The following EPC1 variants were observed in gnomAD, a reference collection of about 807,000 sequenced individuals.
EPC1 encodes enhancer of polycomb 1, also known as enhancer of polycomb homolog 1.
A neutral mutation model predicts 98.4 loss-of-function variants in EPC1; 12 were observed. The ratio of observed to expected loss-of-function variants is 0.12; its 90% CI spans 0.08 to 0.20. The LOEUF (loss-of-function observed/expected upper bound fraction) is 0.20. EPC1 is among the 10% of genes least tolerant of loss of function. The pLI, the probability that EPC1 is intolerant of heterozygous loss-of-function variation, is 1.00. For synonymous variants in EPC1, 357 were observed against 363.9 expected (o/e 0.98, Z 0.21); for missense variants, 729 against 990.5 (o/e 0.74, Z 3.54).
intron 11 of EPC1, chr10:32,272,863 C>A: frequency 1.6e-6 from 1 of 607,974 alleles, no homozygotes; most frequent in Non-Finnish European, 2.9e-6. Flanking sequence ...TTAACATGCC[C>A]AAGAGAATGA....
At chr10:32,298,736 T>C (rs1227579828) in intron 2 of EPC1, among the ~76,000 whole-genome samples, 2 of 152,210 alleles carry the variant, frequency 1.3e-5, no homozygotes, top group African/African-American at 4.8e-5. Context: ...AATATTAGAT[T>C]TGAAATCTCA....
chr10:32,331,871 A>T (rs1395410040), intron 1 of EPC1, among the ~76,000 whole-genome samples: 2 of 152,226 alleles, frequency 1.3e-5, no homozygotes, highest in African/African-American at 4.8e-5. Flanking sequence ...GGAGGCCTTA[A>T]CATTTTCTCT....
Position 32,331,622 on chromosome 10 carries a change from A to G in EPC1, c.153+15141T>C, listed in dbSNP as rs984722692. ...CTTAGAGATAACATATAAACTATCC[A>G]AAGTAAAAATAAGTATTTTAATATT... On this transcript the variant is annotated intron_variant, in intron 1 of 13. Coordinates refer to ENST00000319778, the MANE Select transcript of EPC1 (RefSeq NM_001272004.3). 2.0e-3 allele frequency among the ~76,000 whole-genome samples: 309 copies of G among 152,316 alleles called. 1 individual carries two copies. Among genetic ancestry groups the G allele is most frequent in the East Asian group, 2.1e-3 (11 of 5,192 alleles).
intron 11 of EPC1, 73 bp from the exon 12 acceptor site, chr10:32,272,240 T>A: frequency 7.9e-7 from 1 of 1,258,872 alleles, no homozygotes; most frequent in Non-Finnish European, 1.1e-6. Context: ...TACACATGCA[T>A]ACCAAAATCA....
intron 1 of EPC1, among the ~76,000 whole-genome samples, chr10:32,309,534 C>T (rs1410091705): frequency 3.4e-5 from 5 of 148,784 alleles, no homozygotes; most frequent in South Asian, 2.1e-4. Context: ...CAACTCTCTC[C>T]TATGCCAGTA....
chr10:32,341,348 T>G (rs1222745092), intron 1 of EPC1, among the ~76,000 whole-genome samples: 1 of 152,208 alleles, frequency 6.6e-6, no homozygotes, highest in Non-Finnish European at 1.5e-5. Flanking sequence ...TGTGTATAGA[T>G]TCTATGTTTC....
intron 3 of EPC1, 104 bp from the exon 4 acceptor site, chr10:32,293,298 A>G (rs568064385): frequency 1.1e-6 from 1 of 933,104 alleles, no homozygotes; most frequent in Non-Finnish European, 1.6e-6. Context: ...CAACATTATT[A>G]ACAAATGGGA....
chr10:32,286,815 G>A lies in EPC1; in HGVS notation c.1270C>T (p.Pro424Ser). Residue 424 changes from proline (P) to serine (S), a missense_variant, in exon 9 of 14, where the codon CCT becomes TCT. Pro to Ser is a moderately conservative substitution (Grantham distance 74). Coordinates refer to ENST00000319778, the MANE Select transcript of EPC1 (RefSeq NM_001272004.3). ...CCTCCATCTTTAGGACTAGTCCAAG[G>A]CCAGTTGCCAGTTTGGTCTAAGTGA... ...APHLDQTGNWPWTSPKDGGLG... is the reference protein window; with the variant it reads ...APHLDQTGNWSWTSPKDGGLG... The A allele has an allele frequency of 6.2e-7, 1 of 1,613,720 alleles. No individual in the cohort carries two copies. Among genetic ancestry groups the A allele is most frequent in the Non-Finnish European group, 8.5e-7 (1 of 1,179,938 alleles).
chr10:32,302,075 C>T (rs559728052), intron 2 of EPC1, among the ~76,000 whole-genome samples: 3 of 150,528 alleles, frequency 2.0e-5, no homozygotes, highest in Non-Finnish European at 3.0e-5. Context: ...AGATCGAGAC[C>T]GTCCTAGCTA....
At chr10:32,325,188 T>C (rs2132934581) in intron 1 of EPC1, among the ~76,000 whole-genome samples, 1 of 152,236 alleles carries the variant, frequency 6.6e-6, no homozygotes, top group African/African-American at 2.4e-5. Context: ...CTTCAACTTG[T>C]ACAAGAGAAT....
intron 4 of EPC1, 48 bp from the exon 5 acceptor site, chr10:32,292,692 A>T (rs188357370): frequency 2.8e-5 from 44 of 1,547,940 alleles, no homozygotes; most frequent in Admixed American, 2.2e-4. Context: ...ATTTCTAACT[A>T]GTGGTATAGT....
At chr10:32,378,655 G>T (rs1274540554) in exon 1 of EPC1, 6 of 495,286 alleles carry the variant, frequency 1.2e-5, no homozygotes, top group African/African-American at 2.0e-5. Context: ...CATGATCGGT[G>T]GCCGAATGGG....
At chr10:32,310,905 T>C (rs1165547477) in intron 1 of EPC1, among the ~76,000 whole-genome samples, 2 of 109,858 alleles carry the variant, frequency 1.8e-5, no homozygotes, top group Middle Eastern at 4.3e-3. Flanking sequence ...AATTACCTCT[T>C]ATCTTTAACA....
intron 1 of EPC1, among the ~76,000 whole-genome samples, chr10:32,341,275 G>A (rs1001296520): frequency 2.6e-5 from 4 of 151,992 alleles, no homozygotes; most frequent in African/African-American, 7.3e-5. Context: ...ACATAAAAAG[G>A]ACTCTTGCCA....
At chr10:32,287,399 A>G (rs1478155790) in intron 6 of EPC1, 125 bp from the exon 7 acceptor site, 4 of 926,458 alleles carry the variant, frequency 4.3e-6, no homozygotes, top group Non-Finnish European at 6.5e-6. Context: ...AAGAGACACA[A>G]CACTCTATGT....
intron 1 of EPC1, among the ~76,000 whole-genome samples, chr10:32,376,691 C>T (rs1377187516): frequency 1.3e-5 from 2 of 152,174 alleles, no homozygotes; most frequent in Middle Eastern, 3.4e-3. Context: ...TTCACACATC[C>T]TTTTACTTCA....
chr10:32,316,366 G>GT (rs1158268357), intron 1 of EPC1, among the ~76,000 whole-genome samples: 3 of 152,194 alleles, frequency 2.0e-5, no homozygotes, highest in Non-Finnish European at 4.4e-5. Flanking sequence ...AAAGACGTGA[G>GT]TAAGAATGTT....
Position 32,345,617 on chromosome 10 carries a change from C to A in EPC1, c.153+1146G>T. ...ATTAGAAGTCATCAAGTTATACTGTCAAGGATCTGGGGGAAATGAGAGGAA... is the reference window on the plus strand; with the variant it reads ...ATTAGAAGTCATCAAGTTATACTGTAAAGGATCTGGGGGAAATGAGAGGAA... On this transcript the variant is annotated intron_variant, in intron 1 of 13. Transcript: ENST00000319778. The A allele has an allele frequency of 3.0e-6, 3 of 985,376 alleles. No individual in the cohort carries two copies. The South Asian group carries it at 1.4e-4, about 46-fold the overall frequency. The allele number at this position is 985,376 out of a possible 1,614,324, so 61.0% of individuals were successfully genotyped here. A position where few individuals can be genotyped will look rare whatever the true frequency, so the allele number is the denominator to read the frequency against.
At position 32,363,838 on chromosome 10, in the gene EPC1, G is replaced by C. The variant is rs554182392; in HGVS notation, c.3+14653C>G. ...ATAGCTAAACTTGCTCAATCTACTT[G>C]AAAAGCAATAGCTCTTCAGCATGAA... On this transcript the variant is annotated intron_variant, in intron 1 of 13. Transcript: ENST00000375110. 2.6e-5 allele frequency among the ~76,000 whole-genome samples: 4 copies of C among 151,336 alleles called. No homozygotes were observed. In the East Asian group the frequency reaches 7.7e-4, roughly 29 times the overall value.
Sources: gnomAD v4.1 joint callset for allele counts (sites outside exome capture counted in the v4.1 genomes callset) on GRCh38, gnomAD v4.1.1 for gene constraint, MANE v1.5 for transcripts, NCBI Gene and HGNC (gene_info 2026-07-23, HGNC 2026-07-21) for gene names.